Variants in MYOM1 observed in about 807,000 individuals in gnomAD.
MYOM1 encodes the protein myomesin 1, also known as myomesin-1.
In MYOM1, 164 loss-of-function variants were observed where a neutral mutation model predicts 205.3. That is an observed-to-expected ratio of 0.80 (90% confidence interval 0.70 to 0.91). MYOM1 has a LOEUF of 0.91. Ranked by LOEUF, MYOM1 falls within the 40% of genes least tolerant of loss-of-function variation. The pLI, the probability that MYOM1 is intolerant of heterozygous loss-of-function variation, is 0.00. For missense variants in MYOM1, 2,011 were observed against 2,127.3 expected, an observed-to-expected ratio of 0.95 and a Z score of 1.08; for synonymous variants, 772 against 789.4, an observed-to-expected ratio of 0.98 and a Z score of 0.37.
At chr18:3,201,158 G>C (rs1378012166) in intron 2 of MYOM1, among the ~76,000 whole-genome samples, 2 of 152,112 alleles carry the variant, frequency 1.3e-5, no homozygotes, top group Admixed American at 6.5e-5. Flanking sequence ...TAGCACTTTG[G>C]GAGGCTGAAG....
chr18:3,094,399 A>C, intron 25 of MYOM1, 93 bp from the exon 26 acceptor site: 2 of 1,213,654 alleles, frequency 1.6e-6, no homozygotes, highest in Non-Finnish European at 2.3e-6. Flanking sequence ...AAAAAACCAC[A>C]CAATGGAAAT....
Position 3,167,823 on chromosome 18 carries a change from G to A in MYOM1, c.1339+994C>T, listed in dbSNP as rs372823445. Among the ~76,000 whole-genome samples, 36 of 152,288 alleles carry A rather than the reference G, an allele frequency of 2.4e-4. 1 individual carries two copies. The East Asian group carries it at 5.0e-3, about 21-fold the overall frequency. ...ACTTTAAATATACTTTAACCCAAATGGAGTTTAAAAAGGGGAAATTAAATC... is the reference window on the plus strand; with the variant it reads ...ACTTTAAATATACTTTAACCCAAATAGAGTTTAAAAAGGGGAAATTAAATC... On this transcript the variant is annotated intron_variant, in intron 9 of 37. Coordinates refer to ENST00000356443, the MANE Select transcript of MYOM1 (RefSeq NM_003803.4).
intron 8 of MYOM1, among the ~76,000 whole-genome samples, chr18:3,173,662 C>T (rs1486376612): frequency 1.3e-5 from 2 of 151,458 alleles, no homozygotes; most frequent in East Asian, 3.9e-4. Context: ...TGATCTTTCG[C>T]AGTTTAACCC....
chr18:3,190,314 T>A (rs1378612947), intron 3 of MYOM1: 1 of 152,242 alleles, frequency 6.6e-6, no homozygotes, highest in East Asian at 1.9e-4. Context: ...TTAGACCTCT[T>A]AAGACAGAAT....
At chr18:3,171,544 AT>A (rs2080557415) in intron 8 of MYOM1, among the ~76,000 whole-genome samples, 1 of 152,074 alleles carries the variant, frequency 6.6e-6, no homozygotes, top group African/African-American at 2.4e-5. Context: ...ACAACACATC[AT>A]TTCGTTGTCA....
intron 37 of MYOM1, among the ~76,000 whole-genome samples, chr18:3,069,593 T>A (rs1409685168): frequency 6.6e-6 from 1 of 152,206 alleles, no homozygotes; most frequent in Non-Finnish European, 1.5e-5. Flanking sequence ...CCAATTATTA[T>A]CCTTAAACTT....
rs1303578850 is a variant in MYOM1 at position 3,134,746 on chromosome 18, T to C, written c.2288A>G (p.Lys763Arg). ...GTACCCGACCAGCTCTTTGGCATCT[T>C]TGGACTCCTCCCACGAAACTACCAC... The part of the protein sequence containing the change: ...TSVVVSWEES[K>R]DAKELVGYYI... The change falls in exon 16 of 38, where the codon AAA (lysine) becomes AGA (arginine). Residue 763 changes from lysine to arginine, a missense_variant. Physicochemically the swap from Lys to Arg is conservative, Grantham distance 26. Coordinates refer to ENST00000356443, the MANE Select transcript of MYOM1 (RefSeq NM_003803.4). 5.6e-6 allele frequency: 9 copies of C among 1,613,936 alleles called. No individual in the cohort carries two copies. Among genetic ancestry groups the C allele is most frequent in the Non-Finnish European group, 7.6e-6 (9 of 1,179,880 alleles).
chr18:3,204,734 T>G (rs1042567899), intron 2 of MYOM1, among the ~76,000 whole-genome samples: 3 of 152,018 alleles, frequency 2.0e-5, no homozygotes, highest in Non-Finnish European at 2.9e-5. Flanking sequence ...ATTCTAAAAT[T>G]TATATGGAAA....
intron 14 of MYOM1, among the ~76,000 whole-genome samples, chr18:3,137,417 C>T (rs78973799): frequency 0.01 from 1,555 of 152,264 alleles, 19 homozygotes; most frequent in African/African-American, 0.035. Flanking sequence ...ATGGAATCAA[C>T]CCAAGTGCCC....
intron 2 of MYOM1, among the ~76,000 whole-genome samples, chr18:3,204,988 G>A (rs570947015): frequency 2.6e-5 from 4 of 152,162 alleles, no homozygotes; most frequent in African/African-American, 9.6e-5. Context: ...AACAAATGGT[G>A]CTGGGGCAAT....
intron 12 of MYOM1, 146 bp from the exon 13 acceptor site, chr18:3,149,347 C>CATGT: frequency 1.6e-6 from 1 of 626,448 alleles, no homozygotes; most frequent in East Asian, 2.8e-5. Flanking sequence ...TGGTATCAAT[C>CATGT]ATGTAGAGGG....
intron 2 of MYOM1, among the ~76,000 whole-genome samples, chr18:3,208,100 A>T (rs557746941): frequency 6.6e-6 from 1 of 152,342 alleles, no homozygotes; most frequent in Non-Finnish European, 1.5e-5. Flanking sequence ...TGTTACCAGG[A>T]GTGAGAATCC....
rs552194332 is a variant in MYOM1 at position 3,181,088 on chromosome 18, A to C, written c.930-4954T>G. 2.6e-5 allele frequency among the ~76,000 whole-genome samples: 4 copies of C among 152,164 alleles called. No homozygotes were observed. In the East Asian group the frequency reaches 7.7e-4, roughly 29 times the overall value. The stretch of plus-strand genomic sequence containing the variant: ...ACTATAGGAGCGTGCCACCACGTCC[A>C]GCTACTTTTTGTATTTTTAGTAGAC... On this transcript the variant is annotated intron_variant, in intron 5 of 37. Transcript: ENST00000356443.
At chr18:3,188,646 G>A (rs948530565) in intron 4 of MYOM1, 102 bp downstream of exon 4, 14 of 1,204,748 alleles carry the variant, frequency 1.2e-5, no homozygotes, top group Non-Finnish European at 1.4e-5. Flanking sequence ...AAAAAAAAAA[G>A]AAACAAATCA....
intron 5 of MYOM1, among the ~76,000 whole-genome samples, chr18:3,181,798 G>A (rs948070667): frequency 6.8e-6 from 1 of 146,428 alleles, no homozygotes; most frequent in South Asian, 2.1e-4. Flanking sequence ...GCAGTGGTGC[G>A]ATCTCACTCA....
chr18:3,121,578 G>T (rs983678562), intron 19 of MYOM1, among the ~76,000 whole-genome samples: 2 of 152,090 alleles, frequency 1.3e-5, no homozygotes, highest in Admixed American at 6.6e-5. Context: ...ATTTTAAAAA[G>T]AATTAAAACA....
At chr18:3,174,062 G>C (rs2080598712) in intron 7 of MYOM1, 58 bp downstream of exon 7, 4 of 1,600,550 alleles carry the variant, frequency 2.5e-6, no homozygotes, top group Non-Finnish European at 3.4e-6. Context: ...TAAAACCATG[G>C]GAAGAAATTT....
chr18:3,092,341 C>T (rs1204282892), intron 26 of MYOM1, among the ~76,000 whole-genome samples: 1 of 152,126 alleles, frequency 6.6e-6, no homozygotes, highest in African/African-American at 2.4e-5. Context: ...CAGGCACACA[C>T]CACTATGCCT....
the MYOM1 span, among the ~76,000 whole-genome samples, chr18:3,240,574 C>A: frequency 6.6e-6 from 1 of 152,196 alleles, no homozygotes; most frequent in African/African-American, 2.4e-5. Context: ...AAACCTCATT[C>A]TTTTTTAAAT....
Sources: gnomAD v4.1 joint callset for allele counts (sites outside exome capture counted in the v4.1 genomes callset) on GRCh38, gnomAD v4.1.1 for gene constraint, MANE v1.5 for transcripts, NCBI Gene and HGNC (gene_info 2026-07-23, HGNC 2026-07-21) for gene names.